The following SUGCT variants were observed in gnomAD, a reference collection of about 807,000 sequenced individuals.
SUGCT encodes succinyl-CoA:glutarate-CoA transferase, also known as succinyl-CoA:glutarate CoA-transferase.
Under a neutral mutation model 55.0 loss-of-function variants are expected in SUGCT, and 41 were observed. The observed-to-expected ratio is 0.74, with a 90% confidence interval of 0.58 to 0.97. The LOEUF (loss-of-function observed/expected upper bound fraction) is 0.97. Among genes scored for constraint, SUGCT ranks in the 50% least tolerant of loss-of-function variants. The pLI is 0.00. For synonymous variants in SUGCT, 187 were observed against 200.4 expected, an observed-to-expected ratio of 0.93 and a Z score of 0.56; for missense variants, 568 against 547.8, an observed-to-expected ratio of 1.04 and a Z score of -0.37.
At chr7:40,895,046 A>T in the SUGCT span, among the ~76,000 whole-genome samples, 8 of 152,226 alleles carry the variant, frequency 5.3e-5, no homozygotes, top group Non-Finnish European at 1.0e-4. Context: ...AATAGAAAAG[A>T]CATTAAATCA....
the SUGCT span, among the ~76,000 whole-genome samples, chr7:40,969,429 C>A: frequency 6.6e-6 from 1 of 152,216 alleles, no homozygotes; most frequent in Non-Finnish European, 1.5e-5. Flanking sequence ...GGCACAATCA[C>A]AGCTCACTGC....
chr7:40,789,618 G>C (rs1009294728), intron 13 of SUGCT, among the ~76,000 whole-genome samples: 1 of 152,086 alleles, frequency 6.6e-6, no homozygotes, highest in African/African-American at 2.4e-5. Flanking sequence ...CTTGATTTCA[G>C]TTCTTTTGGA....
chr7:40,928,123 AT>A, the SUGCT span, among the ~76,000 whole-genome samples: 8 of 151,516 alleles, frequency 5.3e-5, no homozygotes, highest in Admixed American at 2.6e-4. Flanking sequence ...AATTATTTTT[AT>A]TTTTTTTCCC....
At chr7:40,538,465 CT>C (rs1371686669) in intron 12 of SUGCT, 1 of 152,194 alleles carries the variant, frequency 6.6e-6, no homozygotes, top group Non-Finnish European at 1.5e-5. Context: ...ATCTCCTCCC[CT>C]CCTTCCTAAA....
chr7:40,284,981 T>C (rs1793222791), intron 8 of SUGCT, among the ~76,000 whole-genome samples: 2 of 152,206 alleles, frequency 1.3e-5, no homozygotes, highest in African/African-American at 4.8e-5. Flanking sequence ...TCATTAGTTA[T>C]ATTCATGGGC....
intron 8 of SUGCT, among the ~76,000 whole-genome samples, chr7:40,294,099 TA>T (rs1793967690): frequency 6.6e-6 from 1 of 151,928 alleles, no homozygotes; most frequent in South Asian, 2.1e-4. Flanking sequence ...AGGCACGCAC[TA>T]TGGCGCCCCA....
chr7:40,333,223 G>A (rs1026804053), intron 9 of SUGCT, among the ~76,000 whole-genome samples: 5 of 152,010 alleles, frequency 3.3e-5, no homozygotes, highest in African/African-American at 9.7e-5. Context: ...AACATTTTAT[G>A]TACAGAATGA....
At chr7:40,662,235 C>A (rs149952920) in intron 12 of SUGCT, among the ~76,000 whole-genome samples, 1 of 152,206 alleles carries the variant, frequency 6.6e-6, no homozygotes, top group African/African-American at 2.4e-5. Flanking sequence ...TAATTCAACT[C>A]TTTCTTACCA....
intron 12 of SUGCT, among the ~76,000 whole-genome samples, chr7:40,689,251 CTTG>C (rs1784586471): frequency 6.6e-6 from 1 of 152,270 alleles, no homozygotes; most frequent in East Asian, 1.9e-4. Context: ...GAGCAGACAT[CTTG>C]TTGTTCTAGA....
At chr7:40,219,849 CT>C (rs1787925472) in intron 6 of SUGCT, among the ~76,000 whole-genome samples, 1 of 152,034 alleles carries the variant, frequency 6.6e-6, no homozygotes, top group Non-Finnish European at 1.5e-5. Context: ...TTTGATCCAA[CT>C]TTTTTCCTTA....
At chr7:40,152,079 A>C (rs1788605832) in intron 1 of SUGCT, among the ~76,000 whole-genome samples, 1 of 152,180 alleles carries the variant, frequency 6.6e-6, no homozygotes, top group African/African-American at 2.4e-5. Flanking sequence ...CACCAGTGTT[A>C]GGTTTTACAA....
chr7:40,465,571 C>T (rs1044864162), intron 11 of SUGCT, among the ~76,000 whole-genome samples: 1 of 152,036 alleles, frequency 6.6e-6, no homozygotes, highest in African/African-American at 2.4e-5. Context: ...GATCATGCCA[C>T]CACACTCCAG....
intron 9 of SUGCT, among the ~76,000 whole-genome samples, chr7:40,366,968 A>T (rs185813049): frequency 6.6e-6 from 1 of 152,200 alleles, no homozygotes; most frequent in African/African-American, 2.4e-5. Context: ...ATGCACACGT[A>T]TGTTTATTGC....
At chr7:40,648,113 T>A (rs1425639176) in intron 12 of SUGCT, among the ~76,000 whole-genome samples, 2 of 152,194 alleles carry the variant, frequency 1.3e-5, no homozygotes, top group Non-Finnish European at 2.9e-5. Flanking sequence ...ATAAAATATT[T>A]AAAGTATAGA....
intron 11 of SUGCT, among the ~76,000 whole-genome samples, chr7:40,475,681 A>C (rs1324416459): frequency 6.6e-6 from 1 of 152,196 alleles, no homozygotes; most frequent in Non-Finnish European, 1.5e-5. Context: ...AAGAATTAAC[A>C]TCAAATTTAC....
intron 7 of SUGCT, among the ~76,000 whole-genome samples, chr7:40,245,076 A>G (rs1789727548): frequency 6.6e-6 from 1 of 151,674 alleles, no homozygotes. Flanking sequence ...TGTTGTTGAG[A>G]CAGAGTCTTG....
At chr7:40,254,665 G>T (rs986290421) in intron 7 of SUGCT, among the ~76,000 whole-genome samples, 1 of 151,568 alleles carries the variant, frequency 6.6e-6, no homozygotes, top group African/African-American at 2.4e-5. Context: ...AAGGTGCTGG[G>T]ATTACAGGTG....
chr7:40,358,717 A>AACAACAAC (rs1797997610), intron 9 of SUGCT, among the ~76,000 whole-genome samples: 1 of 150,658 alleles, frequency 6.6e-6, no homozygotes, highest in South Asian at 2.1e-4. Flanking sequence ...TCCATCTCAA[A>AACAACAAC]AACAACAACA....
intron 9 of SUGCT, among the ~76,000 whole-genome samples, chr7:40,389,492 A>C (rs1477740895): frequency 6.8e-6 from 1 of 146,058 alleles, no homozygotes; most frequent in African/African-American, 2.5e-5. Context: ...AGAGTTACCG[A>C]ACATATACCT....
Sources: allele counts gnomAD v4.1 joint callset (sites outside exome capture counted in the v4.1 genomes callset), GRCh38; gene constraint gnomAD v4.1.1; transcripts MANE v1.5; gene names NCBI Gene and HGNC (gene_info 2026-07-23, HGNC 2026-07-21).